The following RUNX2 variants were observed in gnomAD, a reference collection of about 807,000 sequenced individuals.
RUNX2 encodes the protein runt-related transcription factor 2.
Under a neutral mutation model 51.7 loss-of-function variants are expected in RUNX2, and 10 were observed. The ratio of observed to expected loss-of-function variants is 0.19; its 90% confidence interval spans 0.12 to 0.33. The LOEUF (loss-of-function observed/expected upper bound fraction) is 0.33, where lower values mean the gene tolerates loss of function less well. Ranked by LOEUF, RUNX2 falls within the 10% of genes least tolerant of loss-of-function variation. The pLI is 1.00. For synonymous variants in RUNX2, 276 were observed against 273.6 expected, an observed-to-expected ratio of 1.01 and a Z score of -0.09; for missense variants, 562 against 691.3, an observed-to-expected ratio of 0.81 and a Z score of 2.10.
intron 5 of RUNX2, among the ~76,000 whole-genome samples, chr6:45,469,102 T>C (rs2150391930): frequency 6.6e-6 from 1 of 152,384 alleles, no homozygotes; most frequent in Middle Eastern, 3.4e-3. Flanking sequence ...TTTTGCAGCA[T>C]CCAGATGTGG....
At chr6:45,510,856 A>T (rs1232943628) in intron 6 of RUNX2, among the ~76,000 whole-genome samples, 1 of 151,954 alleles carries the variant, frequency 6.6e-6, no homozygotes, top group Non-Finnish European at 1.5e-5. Context: ...TTCAGGTATT[A>T]TTGCTGCCCC....
chr6:45,390,601 T>C (rs1797450288), intron 2 of RUNX2, among the ~76,000 whole-genome samples: 2 of 152,242 alleles, frequency 1.3e-5, no homozygotes, highest in African/African-American at 4.8e-5. Flanking sequence ...AATGTGAACA[T>C]ATTGAACAGA....
intron 4 of RUNX2, among the ~76,000 whole-genome samples, chr6:45,437,559 G>A (rs1689907644): frequency 1.3e-5 from 2 of 152,152 alleles, no homozygotes; most frequent in South Asian, 2.1e-4. Context: ...GTGAGGTCAT[G>A]ACCCAACCCT....
intron 5 of RUNX2, among the ~76,000 whole-genome samples, chr6:45,457,747 G>C (rs1685350876): frequency 6.6e-6 from 1 of 152,136 alleles, no homozygotes; most frequent in Non-Finnish European, 1.5e-5. Flanking sequence ...GACTAGGTTG[G>C]GGAGGCTGGC....
intron 7 of RUNX2, among the ~76,000 whole-genome samples, chr6:45,520,560 C>T (rs529508398): frequency 3.3e-5 from 5 of 152,306 alleles, no homozygotes; most frequent in Admixed American, 3.3e-4. Flanking sequence ...CTATTTCCCA[C>T]TTCCATGTCA....
chr6:45,418,251 T>C (rs753702024), intron 2 of RUNX2, among the ~76,000 whole-genome samples: 6 of 152,184 alleles, frequency 3.9e-5, no homozygotes, highest in Non-Finnish European at 7.3e-5. Context: ...TCCCAGTCAG[T>C]TCTTTGACTG....
intron 5 of RUNX2, among the ~76,000 whole-genome samples, chr6:45,474,206 T>G (rs1286871484): frequency 1.3e-5 from 2 of 151,952 alleles, no homozygotes; most frequent in Non-Finnish European, 2.9e-5. Context: ...TAAAACTTTC[T>G]CTGAACTAAT....
chr6:45,376,931 C>T (rs940298367), intron 2 of RUNX2, among the ~76,000 whole-genome samples: 6 of 151,580 alleles, frequency 4.0e-5, no homozygotes, highest in Non-Finnish European at 8.8e-5. Context: ...TTCTTTCTAC[C>T]GAAATAACTT....
intron 2 of RUNX2, among the ~76,000 whole-genome samples, chr6:45,331,665 A>C (rs1319830765): frequency 6.6e-6 from 1 of 151,986 alleles, no homozygotes; most frequent in Non-Finnish European, 1.5e-5. Flanking sequence ...TTTATTTTTA[A>C]AAAATGTTTT....
chr6:45,488,950 G>T (rs2150405373), intron 5 of RUNX2, among the ~76,000 whole-genome samples: 1 of 152,268 alleles, frequency 6.6e-6, no homozygotes, highest in East Asian at 1.9e-4. Flanking sequence ...TGGGTGCTGG[G>T]GATTTAAGTA....
At chr6:45,532,370 G>A (rs945866407) in intron 7 of RUNX2, among the ~76,000 whole-genome samples, 1 of 151,934 alleles carries the variant, frequency 6.6e-6, no homozygotes, top group Non-Finnish European at 1.5e-5. Context: ...CCACAGAGAT[G>A]ATTTCATCCC....
At chr6:45,461,179 G>T (rs1799466665) in intron 5 of RUNX2, among the ~76,000 whole-genome samples, 1 of 152,184 alleles carries the variant, frequency 6.6e-6, no homozygotes, top group African/African-American at 2.4e-5. Context: ...TAATGATGCA[G>T]GGCTGTAAAA....
chr6:45,539,067 TCTCC>T (rs1207197663), intron 7 of RUNX2, among the ~76,000 whole-genome samples: 6 of 152,086 alleles, frequency 3.9e-5, no homozygotes, highest in Middle Eastern at 3.2e-3. Context: ...CTTCCCTTAC[TCTCC>T]CTCCCTGTAT....
At chr6:45,382,575 G>A (rs1265532531) in intron 2 of RUNX2, among the ~76,000 whole-genome samples, 4 of 152,174 alleles carry the variant, frequency 2.6e-5, no homozygotes, top group Admixed American at 6.5e-5. Context: ...CGTAGGGTGG[G>A]GACAGGTCTG....
intron 2 of RUNX2, among the ~76,000 whole-genome samples, chr6:45,417,101 G>A (rs1057318565): frequency 3.9e-5 from 6 of 152,144 alleles, no homozygotes; most frequent in South Asian, 4.1e-4. Context: ...AAAAGCTTTG[G>A]GATCACTTAA....
intron 5 of RUNX2, among the ~76,000 whole-genome samples, chr6:45,484,312 T>G (rs1190833178): frequency 1.3e-5 from 2 of 152,048 alleles, no homozygotes; most frequent in Non-Finnish European, 2.9e-5. Flanking sequence ...TCTGAGAGAC[T>G]AGAAAATGAT....
At chr6:45,435,733 G>T (rs1798667456) in intron 4 of RUNX2, among the ~76,000 whole-genome samples, 1 of 152,202 alleles carries the variant, frequency 6.6e-6, no homozygotes, top group African/African-American at 2.4e-5. Flanking sequence ...TTATTAAGAT[G>T]AGTGCCATAG....
intron 5 of RUNX2, among the ~76,000 whole-genome samples, chr6:45,450,348 G>A (rs1368067733): frequency 6.6e-6 from 1 of 152,000 alleles, no homozygotes; most frequent in Admixed American, 6.5e-5. Flanking sequence ...TTTTTTTGGT[G>A]ACAATTAGAG....
intron 5 of RUNX2, among the ~76,000 whole-genome samples, chr6:45,485,623 TATC>T (rs1800249669): frequency 2.0e-5 from 3 of 150,520 alleles, no homozygotes; most frequent in Admixed American, 1.3e-4. Context: ...TTTAGATTGA[TATC>T]ACACACATAT....
Sources: allele counts gnomAD v4.1 joint callset (sites outside exome capture counted in the v4.1 genomes callset), GRCh38; gene constraint gnomAD v4.1.1; transcripts MANE v1.5; gene names NCBI Gene and HGNC (gene_info 2026-07-23, HGNC 2026-07-21).